SEC22C: variants seen among roughly 807,000 people sequenced by gnomAD.
The protein encoded by SEC22C is vesicle-trafficking protein SEC22c.
A neutral mutation model predicts 34.7 loss-of-function variants in SEC22C; 29 were observed. The ratio of observed to expected loss-of-function variants is 0.84; its 90% CI spans 0.62 to 1.14. SEC22C has a LOEUF of 1.14. Ranked by LOEUF, SEC22C falls within the 50% of genes most tolerant of loss-of-function variation. The pLI, the probability that SEC22C is intolerant of heterozygous loss-of-function variation, is 0.00. For synonymous variants in SEC22C, 117 were observed against 132.8 expected, an observed-to-expected ratio of 0.88 and a Z score of 0.82; for missense variants, 337 against 369.0, an observed-to-expected ratio of 0.91 and a Z score of 0.71.
At chr3:42,578,522 C>T (rs974001895) in intron 1 of SEC22C, among the ~76,000 whole-genome samples, 9 of 147,100 alleles carry the variant, frequency 6.1e-5, no homozygotes, top group African/African-American at 1.6e-4. Context: ...AATCTACACA[C>T]GATAAAGTGA....
At chr3:42,554,720 T>G (rs1244354583) in intron 6 of SEC22C, among the ~76,000 whole-genome samples, 1 of 151,866 alleles carries the variant, frequency 6.6e-6, no homozygotes, top group African/African-American at 2.4e-5. Context: ...ATTTTAATTT[T>G]AAAAAAAGGG....
chr3:42,586,492 G>A (rs1704612685), upstream of SEC22C, among the ~76,000 whole-genome samples: 1 of 151,604 alleles, frequency 6.6e-6, no homozygotes. Context: ...CAAAGTGCTG[G>A]CATTACAGGT....
At chr3:42,576,297 T>G (rs1163716052) in intron 1 of SEC22C, among the ~76,000 whole-genome samples, 1 of 151,898 alleles carries the variant, frequency 6.6e-6, no homozygotes, top group East Asian at 1.9e-4. Flanking sequence ...GTCAAGAAAT[T>G]AGAAGAAGAG....
At chr3:42,588,525 C>T (rs1025433628) in intron 1 of SEC22C, among the ~76,000 whole-genome samples, 1 of 152,130 alleles carries the variant, frequency 6.6e-6, no homozygotes, top group African/African-American at 2.4e-5. Context: ...ATACCCAGGA[C>T]AGATCTTTGT....
intron 4 of SEC22C, among the ~76,000 whole-genome samples, chr3:42,558,485 C>T (rs1191500402): frequency 1.0e-5 from 1 of 97,690 alleles, no homozygotes; most frequent in Admixed American, 1.2e-4. Context: ...GACCTTGTCT[C>T]AAAAAAAAAA....
intron 1 of SEC22C, among the ~76,000 whole-genome samples, chr3:42,574,352 AGACCCTGTCTC>A (rs1703823234): frequency 6.8e-6 from 1 of 146,756 alleles, no homozygotes. Flanking sequence ...CAACATAGCA[AGACCCTGTCTC>A]AAAAAAAAAA....
At chr3:42,573,399 C>G (rs918957459) in intron 1 of SEC22C, 2 of 152,272 alleles carry the variant, frequency 1.3e-5, no homozygotes, top group Non-Finnish European at 2.9e-5. Flanking sequence ...GTGGCACACA[C>G]CTGTAGTCTC....
At chr3:42,598,326 AT>A (rs1417431695) in intron 1 of SEC22C, among the ~76,000 whole-genome samples, 2,939 of 140,802 alleles carry the variant, frequency 0.021, 53 homozygotes, top group Admixed American at 0.087. Context: ...AAAAGAACAA[AT>A]TTTTTTTTTT....
chr3:42,573,076 T>G (rs1308176132), intron 1 of SEC22C, among the ~76,000 whole-genome samples: 1 of 152,030 alleles, frequency 6.6e-6, no homozygotes, highest in Non-Finnish European at 1.5e-5. Context: ...CATCTTGAAC[T>G]CTCAGGCTCA....
At chr3:42,594,543 GC>G (rs1704971836) in intron 1 of SEC22C, 2 of 1,568,068 alleles carry the variant, frequency 1.3e-6, no homozygotes, top group African/African-American at 1.4e-5. Flanking sequence ...CTTCCATTTG[GC>G]TGTCGTGAGG....
intron 1 of SEC22C, among the ~76,000 whole-genome samples, chr3:42,600,038 A>C (rs780641080): frequency 1.2e-4 from 19 of 152,234 alleles, no homozygotes; most frequent in Non-Finnish European, 2.6e-4. Context: ...TATGTAACAA[A>C]AGATTTTCAT....
chr3:42,592,539 T>TTA (rs1323331920), intron 1 of SEC22C, among the ~76,000 whole-genome samples: 2 of 152,220 alleles, frequency 1.3e-5, no homozygotes, highest in Non-Finnish European at 2.9e-5. Flanking sequence ...TATTTCATTG[T>TTA]TACTGAAGAA....
intron 1 of SEC22C, among the ~76,000 whole-genome samples, chr3:42,597,456 T>C (rs1705061196): frequency 6.6e-6 from 1 of 151,522 alleles, no homozygotes; most frequent in Non-Finnish European, 1.5e-5. Flanking sequence ...CACTGGAGGC[T>C]GAGGCAGGGG....
At chr3:42,588,907 C>T (rs1327762917) in intron 1 of SEC22C, among the ~76,000 whole-genome samples, 1 of 152,052 alleles carries the variant, frequency 6.6e-6, no homozygotes, top group Non-Finnish European at 1.5e-5. Flanking sequence ...ACCAGGAAGC[C>T]CTGAGTCCGC....
chr3:42,564,845 C>T (rs567798399), intron 2 of SEC22C, among the ~76,000 whole-genome samples: 63 of 152,310 alleles, frequency 4.1e-4, no homozygotes, highest in African/African-American at 1.5e-3. Flanking sequence ...GCAGCCTCAA[C>T]CTCCCAGGCT....
In SEC22C at chr3:42,553,328, G is replaced by T; in HGVS notation, c.832C>A (p.His278Asn). 6.2e-7 allele frequency: 1 copy of T among 1,614,162 alleles called. No individual in the cohort carries two copies. Among genetic ancestry groups the T allele is most frequent in the Non-Finnish European group, 8.5e-7 (1 of 1,180,038 alleles). The change falls in exon 7 of 7, where the codon CAC (histidine) becomes AAC (asparagine). Residue 278 changes from histidine to asparagine, a missense_variant. His to Asn is a moderately conservative substitution (Grantham distance 68). Transcript: ENST00000264454. ...GAAGACAGAAAAGCCACTCCTATGT[G>T]GAAAAGGATTTGCCAGAGGTTCCTC... The part of the protein sequence containing the change: ...GLRNLWQILF[H>N]IGVAFLSSYQ...
In SEC22C at chr3:42,551,032, C is replaced by T; in HGVS notation, c.*2216G>A. On this transcript the variant is annotated 3_prime_UTR_variant, in exon 7 of 7. Transcript: ENST00000264454. ...TACAGGCACAAGCCACCGTGCCCAG[C>T]TAATTTTTGTATTTTTAGTAGAGAT... The T allele has an allele frequency of 1.2e-6, 1 of 840,674 alleles. No homozygotes were observed. Among genetic ancestry groups the T allele is most frequent in the Non-Finnish European group, 1.4e-6 (1 of 698,342 alleles). 52.1% of individuals were successfully genotyped at this position (840,674 alleles called of 1,614,324 possible).
At chr3:42,557,720 T>C in intron 4 of SEC22C, 24 bp from the exon 5 acceptor site, 2 of 1,224,362 alleles carry the variant, frequency 1.6e-6, no homozygotes, top group South Asian at 1.3e-5. Flanking sequence ...AAAAAACAAG[T>C]GTCTAGTGTA....
chr3:42,561,197 G>T lies in SEC22C; in HGVS notation c.446C>A (p.Pro149His). 4 of 1,614,148 alleles carry T rather than the reference G, an allele frequency of 2.5e-6. No individual in the cohort carries two copies. In the South Asian group the frequency reaches 4.4e-5, roughly 18 times the overall value. ...GTCCTCCAGAGTGAGAACCGCTGGA[G>T]GCTGCAACTTGAGCTCCTCCTGAAT... ...EKIQEELKLQ[P>H]PAVLTLEDTD... Residue 149 changes from proline (P) to histidine (H), a missense_variant, in exon 4 of 7, where the codon CCT becomes CAT. Transcript: ENST00000264454.
Sources: gnomAD v4.1 joint callset for allele counts (sites outside exome capture counted in the v4.1 genomes callset) on GRCh38, gnomAD v4.1.1 for gene constraint, MANE v1.5 for transcripts, NCBI Gene and HGNC (gene_info 2026-07-23, HGNC 2026-07-21) for gene names.